DPP10: variants seen among roughly 807,000 people sequenced by gnomAD.
DPP10 encodes the protein dipeptidyl peptidase like 10, also known as inactive dipeptidyl peptidase 10.
DPP10 carries 33 observed loss-of-function variants against 120.9 expected under a neutral mutation model. The ratio of observed to expected loss-of-function variants is 0.27; its 90% confidence interval spans 0.21 to 0.37. DPP10 has a LOEUF of 0.37. Ranked by LOEUF, DPP10 falls within the 10% of genes least tolerant of loss-of-function variation. The pLI is 1.00. For missense variants in DPP10, 816 were observed against 942.8 expected (o/e 0.87, Z 1.76); for synonymous variants, 337 against 326.1 (o/e 1.03, Z -0.36).
chr2:115,661,839 A>C (rs1185394035), intron 5 of DPP10, among the ~76,000 whole-genome samples: 1 of 152,160 alleles, frequency 6.6e-6, no homozygotes, highest in African/African-American at 2.4e-5. Context: ...AACTTCTATC[A>C]CCTCCTGTAG....
intron 1 of DPP10, among the ~76,000 whole-genome samples, chr2:114,840,168 A>G (rs1239632699): frequency 2.0e-5 from 3 of 152,224 alleles, no homozygotes; most frequent in African/African-American, 7.2e-5. Flanking sequence ...AATATTTATA[A>G]GACATACTTT....
At chr2:115,341,779 G>T (rs1366550955) in intron 2 of DPP10, among the ~76,000 whole-genome samples, 2 of 59,302 alleles carry the variant, frequency 3.4e-5, no homozygotes, top group Admixed American at 3.8e-4. Flanking sequence ...TGGCTTGATA[G>T]CTCATTTTTT....
chr2:114,879,941 A>G (rs1227248306), intron 1 of DPP10, among the ~76,000 whole-genome samples: 1 of 152,174 alleles, frequency 6.6e-6, no homozygotes, highest in African/African-American at 2.4e-5. Flanking sequence ...ATAAAGACTA[A>G]GATGATTGTA....
At chr2:115,382,017 C>T (rs1369735539) in intron 3 of DPP10, among the ~76,000 whole-genome samples, 406 of 131,684 alleles carry the variant, frequency 3.1e-3, no homozygotes, top group Non-Finnish European at 4.4e-3. Context: ...TTTGTCTGTG[C>T]CCTGCCCCCA....
chr2:114,784,639 A>G (rs1187847048), intron 1 of DPP10, among the ~76,000 whole-genome samples: 1 of 152,152 alleles, frequency 6.6e-6, no homozygotes, highest in African/African-American at 2.4e-5. Flanking sequence ...CCCAATATCC[A>G]TAACCATAAT....
At chr2:115,562,001 A>T (rs1306105961) in intron 5 of DPP10, among the ~76,000 whole-genome samples, 1 of 152,172 alleles carries the variant, frequency 6.6e-6, no homozygotes. Context: ...TGTCAAAAAC[A>T]CAACCCTGGT....
chr2:114,799,558 A>G (rs1456892019), intron 1 of DPP10, among the ~76,000 whole-genome samples: 1 of 152,228 alleles, frequency 6.6e-6, no homozygotes, highest in Non-Finnish European at 1.5e-5. Context: ...GGGAAAAAAT[A>G]GAGAAAAGAC....
At chr2:115,318,895 A>G (rs2061926630) in intron 2 of DPP10, among the ~76,000 whole-genome samples, 1 of 152,096 alleles carries the variant, frequency 6.6e-6, no homozygotes, top group Admixed American at 6.6e-5. Context: ...CAAATTGACC[A>G]TCTTTTAGTT....
intron 1 of DPP10, among the ~76,000 whole-genome samples, chr2:114,934,795 G>C (rs1696334429): frequency 6.6e-6 from 1 of 152,128 alleles, no homozygotes; most frequent in Non-Finnish European, 1.5e-5. Context: ...GTTGAGGGGA[G>C]GAGGTAAGTG....
chr2:115,621,459 C>G (rs1181067496), intron 5 of DPP10, among the ~76,000 whole-genome samples: 2 of 152,108 alleles, frequency 1.3e-5, no homozygotes, highest in African/African-American at 4.8e-5. Context: ...AGAACATGAG[C>G]CCCCTTAATT....
chr2:115,064,853 T>C lies in DPP10; in HGVS notation c.61-244386T>C. The C allele has an allele frequency of 2.3e-6, 3 of 1,302,530 alleles. No homozygotes were observed. In the South Asian group the frequency reaches 3.7e-5, roughly 16 times the overall value. The allele number at this position is 1,302,530 out of a possible 1,614,324, so 80.7% of individuals were successfully genotyped here. On this transcript the variant is annotated intron_variant, in intron 1 of 25. Coordinates refer to ENST00000410059, the MANE Select transcript of DPP10 (RefSeq NM_020868.6). ...TGTTTAGTCTTCTTTCTAGCAGGGTTTCTGATTGGGTTTCATTTATTTTAT... is the reference window on the plus strand; with the variant it reads ...TGTTTAGTCTTCTTTCTAGCAGGGTCTCTGATTGGGTTTCATTTATTTTAT...
intron 21 of DPP10, among the ~76,000 whole-genome samples, chr2:115,817,006 T>C (rs952605281): frequency 6.8e-6 from 1 of 147,820 alleles, no homozygotes; most frequent in Non-Finnish European, 1.5e-5. Flanking sequence ...CCCAGCACTT[T>C]GGGAGGCCAA....
intron 1 of DPP10, among the ~76,000 whole-genome samples, chr2:114,504,520 T>C (rs1683464811): frequency 6.6e-6 from 1 of 152,072 alleles, no homozygotes; most frequent in Non-Finnish European, 1.5e-5. Context: ...CTATTGCTTT[T>C]CCCAAGAGTA....
At chr2:115,154,572 T>C (rs1190626329) in intron 1 of DPP10, among the ~76,000 whole-genome samples, 1 of 152,144 alleles carries the variant, frequency 6.6e-6, no homozygotes, top group Admixed American at 6.5e-5. Flanking sequence ...AAAATATATT[T>C]TCCCTGGATG....
chr2:115,691,807 G>A (rs1389953568), intron 7 of DPP10, among the ~76,000 whole-genome samples: 4 of 151,996 alleles, frequency 2.6e-5, no homozygotes, highest in African/African-American at 7.2e-5. Context: ...AACATTTAAT[G>A]TATGTATTTA....
chr2:114,916,699 C>A lies in DPP10; in HGVS notation c.61-392540C>A, dbSNP rs75794035. On this transcript the variant is annotated intron_variant, in intron 1 of 25. Coordinates refer to ENST00000410059, the MANE Select transcript of DPP10 (RefSeq NM_020868.6). ...GCAAATAAATAAACGTGATTCATCACATAAAGAGAACTTAAAAACCACATG... is the reference window on the plus strand; with the variant it reads ...GCAAATAAATAAACGTGATTCATCAAATAAAGAGAACTTAAAAACCACATG... Among the ~76,000 whole-genome samples the A allele has an allele frequency of 4.3e-3, 648 of 152,252 alleles. 5 individuals are homozygous for A. The highest frequency in any genetic ancestry group is 0.015 in the African/African-American group (621 of 41,562).
chr2:115,599,946 C>T (rs2083221101), intron 5 of DPP10, among the ~76,000 whole-genome samples: 1 of 152,112 alleles, frequency 6.6e-6, no homozygotes, highest in Non-Finnish European at 1.5e-5. Flanking sequence ...CAACCAGGAA[C>T]TTACCTTGAG....
At chr2:114,521,251 GACACACACACACACAC>G (rs60539029) in intron 1 of DPP10, among the ~76,000 whole-genome samples, 29 of 144,506 alleles carry the variant, frequency 2.0e-4, no homozygotes, top group Admixed American at 2.0e-3. Context: ...CACATGCACA[GACACACACACACACAC>G]ACACACACAC....
chr2:115,304,613 A>G (rs2061284527), intron 1 of DPP10, among the ~76,000 whole-genome samples: 1 of 152,036 alleles, frequency 6.6e-6, no homozygotes, highest in African/African-American at 2.4e-5. Flanking sequence ...GATGGATTAT[A>G]TTTCTTTTCA....
Sources: gnomAD v4.1 joint callset for allele counts (sites outside exome capture counted in the v4.1 genomes callset) on GRCh38, gnomAD v4.1.1 for gene constraint, MANE v1.5 for transcripts, NCBI Gene and HGNC (gene_info 2026-07-23, HGNC 2026-07-21) for gene names.